The following DNAH5 variants were observed in gnomAD, a reference collection of about 807,000 sequenced individuals.
DNAH5 encodes dynein axonemal heavy chain 5.
Under a neutral mutation model 518.2 loss-of-function variants are expected in DNAH5, and 372 were observed. That is an observed-to-expected ratio of 0.72 (90% CI 0.66 to 0.78). DNAH5 has a LOEUF of 0.78. DNAH5 is among the 30% of genes least tolerant of loss of function. The pLI, the probability that DNAH5 is intolerant of heterozygous loss-of-function variation, is 0.00. For synonymous variants in DNAH5, 2,039 were observed against 2,025.9 expected, an observed-to-expected ratio of 1.01 and a Z score of -0.17; for missense variants, 5,523 against 5,687.0, an observed-to-expected ratio of 0.97 and a Z score of 0.93.
Position 13,882,807 on chromosome 5 carries a change from T to C in DNAH5, c.3183A>G (p.Ile1061Met). 1 of 1,614,124 alleles carries C rather than the reference T, an allele frequency of 6.2e-7. No individual in the cohort carries two copies. Among genetic ancestry groups the C allele is most frequent in the South Asian group, 1.1e-5 (1 of 91,090 alleles). The change falls in exon 21 of 79, where the codon ATA becomes ATG. Residue 1061 changes from isoleucine to methionine, a missense_variant. Around this residue, in one of 3 missense-constraint regions of DNAH5, gnomAD observed 5,121 missense variants for 5,223.3 expected, o/e 0.98. Coordinates refer to ENST00000265104, the MANE Select transcript of DNAH5 (RefSeq NM_001369.3). Reference protein sequence around the residue: ...WSSELLSKKKIQERKMAALQS... With the variant: ...WSSELLSKKKMQERKMAALQS... ...GCAAAGCAGCCATTTTTCTTTCTTGTATCTTTTTCTACAATGTAAAAGGAT... is the reference window on the plus strand; with the variant it reads ...GCAAAGCAGCCATTTTTCTTTCTTGCATCTTTTTCTACAATGTAAAAGGAT...
rs1772211980 is a variant in DNAH5 at position 13,885,084 on chromosome 5, T to C, written c.2888A>G (p.Asn963Ser). 3 of 1,614,234 alleles carry C rather than the reference T, an allele frequency of 1.9e-6. No homozygotes were observed. The highest frequency in any genetic ancestry group is 2.5e-6 in the Non-Finnish European group (3 of 1,180,036). ...EEARELLSHF[N>S]HQNMDALLKV... The stretch of plus-strand genomic sequence containing the variant: ...CAGAAGAGCATCCATGTTCTGATGG[T>C]TGAAATGAGAGAGTAACTCGCGGGC... Residue 963 changes from asparagine to serine, a missense_variant, in exon 19 of 79, where the codon AAC (asparagine) becomes AGC (serine). By Grantham distance (46) the Asn-to-Ser change is conservative. Around this residue, in one of 3 missense-constraint regions of DNAH5, gnomAD observed 5,121 missense variants for 5,223.3 expected, o/e 0.98. Transcript: ENST00000265104.
intron 68 of DNAH5, among the ~76,000 whole-genome samples, chr5:13,733,033 C>G (rs902162244): frequency 1.3e-5 from 2 of 152,108 alleles, no homozygotes; most frequent in African/African-American, 4.8e-5. Context: ...CCAACCCATA[C>G]AAGCATCAGA....
At chr5:13,796,921 GACAA>G (rs1172203148) in intron 47 of DNAH5, among the ~76,000 whole-genome samples, 2 of 152,146 alleles carry the variant, frequency 1.3e-5, no homozygotes, top group Non-Finnish European at 2.9e-5. Context: ...TCTGATCTTT[GACAA>G]ACCTGAGAAA....
Position 13,794,145 on chromosome 5 carries a change from C to T in DNAH5, c.7888-87G>A, listed in dbSNP as rs564252624. The T allele has an allele frequency of 2.0e-4, 303 of 1,547,124 alleles. 1 individual carries two copies. The highest frequency in any genetic ancestry group is 1.9e-3 in the Middle Eastern group (11 of 5,894). ...TTTAAAAAACAACAAAAACTGGTAA[C>T]CTTTGAACTGATATGAATTATTTCT... On this transcript the variant is annotated intron_variant, in intron 47 of 78. Transcript: ENST00000265104.
At chr5:13,974,163 C>T (rs1287501598) in intron 1 of DNAH5, among the ~76,000 whole-genome samples, 1 of 147,520 alleles carries the variant, frequency 6.8e-6, no homozygotes, top group African/African-American at 2.5e-5. Flanking sequence ...TTAGACAGGG[C>T]CTCACTCTGT....
intron 1 of DNAH5, among the ~76,000 whole-genome samples, chr5:13,939,851 T>C (rs1779296892): frequency 6.6e-6 from 1 of 152,152 alleles, no homozygotes; most frequent in East Asian, 1.9e-4. Flanking sequence ...AGAAAAGAGA[T>C]GACACGCTGG....
In DNAH5 at chr5:13,744,807, G is replaced by A. The variant is rs541305941; in HGVS notation, c.11211+6271C>T. Among the ~76,000 whole-genome samples the A allele has an allele frequency of 1.4e-4, 22 of 152,018 alleles. No individual in the cohort carries two copies. The South Asian group carries it at 3.1e-3, about 21-fold the overall frequency. ...GTTTTGAAATCAGTAAAAGACAAACGGCAGCCAGAGTTCTCATTCTTAAAG... is the reference window on the plus strand; with the variant it reads ...GTTTTGAAATCAGTAAAAGACAAACAGCAGCCAGAGTTCTCATTCTTAAAG... On this transcript the variant is annotated intron_variant, in intron 65 of 78. Coordinates refer to ENST00000265104, the MANE Select transcript of DNAH5 (RefSeq NM_001369.3).
At chr5:13,788,059 C>T (rs556036892) in intron 51 of DNAH5, among the ~76,000 whole-genome samples, 17 of 152,314 alleles carry the variant, frequency 1.1e-4, no homozygotes, top group African/African-American at 3.8e-4. Flanking sequence ...TGGAGCACTG[C>T]CTCTTTTCAT....
At chr5:13,984,436 G>A (rs1227709261) in intron 1 of DNAH5, among the ~76,000 whole-genome samples, 2 of 152,326 alleles carry the variant, frequency 1.3e-5, no homozygotes, top group African/African-American at 4.8e-5. Context: ...GGGCTGAGAC[G>A]ATGGGGTTTT....
intron 65 of DNAH5, among the ~76,000 whole-genome samples, chr5:13,747,223 C>A (rs979338030): frequency 1.3e-5 from 2 of 152,018 alleles, no homozygotes; most frequent in South Asian, 2.1e-4. Context: ...TGAACTCATC[C>A]TTTTTTACGG....
At chr5:13,780,431 A>G (rs1288657422) in intron 53 of DNAH5, among the ~76,000 whole-genome samples, 1 of 152,250 alleles carries the variant, frequency 6.6e-6, no homozygotes, top group Non-Finnish European at 1.5e-5. Context: ...GCAGTGTTCA[A>G]TAACTATTCT....
In DNAH5 at chr5:13,850,816, C is replaced by A. The variant is rs1250063155; in HGVS notation, c.4951-1G>T. The stretch of plus-strand genomic sequence containing the variant: ...CTATGTTAGAAAACCGCTTGGCTTC[C>A]TATGAGAACAAGGTAACAAAGCACA... On this transcript the variant is annotated splice_acceptor_variant, in intron 30 of 78. Coordinates refer to ENST00000265104, the MANE Select transcript of DNAH5 (RefSeq NM_001369.3). LOFTEE classifies it high-confidence loss of function. 1 of 1,613,934 alleles carries A rather than the reference C, an allele frequency of 6.2e-7. No homozygotes were observed. The highest frequency in any genetic ancestry group is 8.5e-7 in the Non-Finnish European group (1 of 1,179,980).
chr5:13,977,299 G>A (rs748780061), intron 1 of DNAH5, among the ~76,000 whole-genome samples: 20 of 152,106 alleles, frequency 1.3e-4, no homozygotes, highest in Non-Finnish European at 2.2e-4. Context: ...CAGGTTCTCC[G>A]GGACCTCACT....
intron 35 of DNAH5, among the ~76,000 whole-genome samples, chr5:13,834,428 A>C (rs1368673667): frequency 1.3e-5 from 2 of 152,236 alleles, no homozygotes; most frequent in Admixed American, 1.3e-4. Flanking sequence ...ATGCTACTTC[A>C]TGTTCTTCTG....
At chr5:13,924,866 T>C (rs1252191358) in intron 3 of DNAH5, among the ~76,000 whole-genome samples, 4 of 152,160 alleles carry the variant, frequency 2.6e-5, no homozygotes, top group African/African-American at 7.2e-5. Flanking sequence ...TTTAAGTACA[T>C]AGAATACACT....
rs1554021382 is a variant in DNAH5, at chr5:13,721,043, T to C, written c.12236A>G (p.Gln4079Arg). ...CAAGAGCTTCCGAGCATGGACTTCC[T>C]GGCCCTGGCCCATGGACACATAACG... ...ETRYVSMGQGQEVHARKLLQQ... is the reference protein window; with the variant it reads ...ETRYVSMGQGREVHARKLLQQ... The change falls in exon 71 of 79, where the codon CAG becomes CGG. Residue 4079 changes from glutamine to arginine, a missense_variant. Around this residue, in one of 3 missense-constraint regions of DNAH5, gnomAD observed 5,121 missense variants for 5,223.3 expected, o/e 0.98. Transcript: ENST00000265104. 1.9e-6 allele frequency: 3 copies of C among 1,614,164 alleles called. No homozygotes were observed. Among genetic ancestry groups the C allele is most frequent in the African/African-American group, 2.7e-5 (2 of 75,050 alleles).
intron 69 of DNAH5, 24 bp downstream of exon 69, chr5:13,729,415 T>A: frequency 6.2e-7 from 1 of 1,613,716 alleles, no homozygotes; most frequent in Non-Finnish European, 8.5e-7. Flanking sequence ...GACATCAGCT[T>A]AAGTTGATTC....
In DNAH5 at chr5:13,735,204, G is replaced by A. The variant is rs1313193891; in HGVS notation, c.11688C>T (p.Thr3896=). 2 of 1,614,076 alleles carry A rather than the reference G, an allele frequency of 1.2e-6. No homozygotes were observed. Among genetic ancestry groups the A allele is most frequent in the Non-Finnish European group, 1.7e-6 (2 of 1,179,988 alleles). ...TGTCAATCTTTAGGGTAAGCAACAA[G>A]GTGAACAGGAATTTGTGCTCCTCGT... The part of the protein sequence containing the change: ...GLYEEHKFLF[T]LLLTLKIDIQ... Residue 3896 remains threonine, a synonymous_variant, in exon 68 of 79, where the codon ACC becomes ACT. Transcript: ENST00000265104.
At chr5:13,762,511 C>G (rs1751922579) in intron 60 of DNAH5, among the ~76,000 whole-genome samples, 1 of 152,016 alleles carries the variant, frequency 6.6e-6, no homozygotes, top group African/African-American at 2.4e-5. Context: ...AGAGTCTGTC[C>G]CTGCTTAGAG....
Sources: gnomAD v4.1 joint callset for allele counts (sites outside exome capture counted in the v4.1 genomes callset) on GRCh38, gnomAD v4.1.1 for gene constraint, gnomAD v4.1.1 regional missense constraint, MANE v1.5 for transcripts, NCBI Gene and HGNC (gene_info 2026-07-23, HGNC 2026-07-21) for gene names.